FLNB: variants seen among roughly 807,000 people sequenced by gnomAD.
The protein encoded by FLNB is filamin B, also known as filamin-B.
FLNB carries 111 observed loss-of-function variants against 250.6 expected under a neutral mutation model. That is an observed-to-expected ratio of 0.44 (90% CI 0.38 to 0.52). The LOEUF is 0.52. Among genes scored for constraint, FLNB ranks in the 20% least tolerant of loss-of-function variants. The probability of loss-of-function intolerance (pLI) is 0.00; values close to 1 mark genes in which losing one functional copy is unlikely to be tolerated. For synonymous variants in FLNB, 1,302 were observed against 1,372.1 expected (o/e 0.95, Z 1.13); for missense variants, 2,869 against 3,447.8 (o/e 0.83, Z 4.20).
intron 1 of FLNB, among the ~76,000 whole-genome samples, chr3:58,047,803 A>G (rs1011838975): frequency 4.6e-5 from 7 of 152,144 alleles, no homozygotes; most frequent in African/African-American, 1.7e-4. Context: ...ACCTCAAGTG[A>G]TCCTCCTGCC....
chr3:58,125,386 G>A (rs2097296042), intron 22 of FLNB, among the ~76,000 whole-genome samples, 195 bp from the exon 23 acceptor site: 1 of 152,148 alleles, frequency 6.6e-6, no homozygotes, highest in African/African-American at 2.4e-5. Flanking sequence ...ACCCACCTCG[G>A]CCTCCCAAAG....
chr3:58,103,581 C>T (rs1352168865), intron 9 of FLNB, among the ~76,000 whole-genome samples: 1 of 152,190 alleles, frequency 6.6e-6, no homozygotes, highest in Admixed American at 6.5e-5. Flanking sequence ...AGGTTTACTT[C>T]TTCCCCAGTT....
intron 4 of FLNB, among the ~76,000 whole-genome samples, chr3:58,085,072 C>G (rs779703716): frequency 4.6e-5 from 7 of 152,146 alleles, no homozygotes; most frequent in African/African-American, 1.7e-4. Context: ...CTTATACATT[C>G]GTCTGCTGAT....
At chr3:58,110,591 C>T (rs1576736173) in intron 16 of FLNB, among the ~76,000 whole-genome samples, 1 of 152,148 alleles carries the variant, frequency 6.6e-6, no homozygotes. Context: ...GCTGGGATTA[C>T]AGGCCACCAC....
chr3:58,100,373 A>AAAAAAATACATATATATATATAT, intron 8 of FLNB, among the ~76,000 whole-genome samples: 5 of 104,384 alleles, frequency 4.8e-5, no homozygotes, highest in African/African-American at 2.3e-4. Flanking sequence ...GTAAAAAAAA[A>AAAAAAATACATATATATATATAT]ATATATATAT....
chr3:58,162,712 C>A, intron 42 of FLNB: 1 of 230,490 alleles, frequency 4.3e-6, no homozygotes, highest in East Asian at 1.1e-4. Context: ...GCTGAGTAAG[C>A]CGCTGCGGAG....
intron 1 of FLNB, among the ~76,000 whole-genome samples, chr3:58,073,053 G>A (rs536964857): frequency 3.3e-5 from 5 of 152,102 alleles, no homozygotes; most frequent in African/African-American, 9.7e-5. Context: ...GCCTGTGGCC[G>A]GATGAGACTT....
rs933399504 is a variant in FLNB at position 58,142,926 on chromosome 3, G to A, written c.5284+174G>A. 2.0e-5 allele frequency among the ~76,000 whole-genome samples: 3 copies of A among 152,228 alleles called. No individual in the cohort carries two copies. The highest frequency in any genetic ancestry group is 6.5e-5 in the Admixed American group (1 of 15,286). On this transcript the variant is annotated intron_variant, in intron 31 of 45. Transcript: ENST00000295956. The surrounding 1 kb of genome is among the most constrained non-coding windows in gnomAD (Gnocchi z 4.3). ...CTCCTGAAACTACAGAATATGCCAC[G>A]TGTGTGTTTCTCTGAAGAAGTGGCT...
At chr3:58,103,816 G>A (rs1181167278) in intron 9 of FLNB, 143 bp from the exon 10 acceptor site, 2 of 888,724 alleles carry the variant, frequency 2.3e-6, no homozygotes, top group African/African-American at 1.6e-5. Flanking sequence ...GAGGGGAGAG[G>A]TCCCATACTC....
Position 58,125,704 on chromosome 3 carries a change from C to G in FLNB, c.4022C>G (p.Ala1341Gly), listed in dbSNP as rs139269734. 934 of 1,614,124 alleles carry G rather than the reference C, an allele frequency of 5.8e-4. 2 individuals are homozygous for G. Among genetic ancestry groups the G allele is most frequent in the Non-Finnish European group, 5.5e-4 (644 of 1,180,018 alleles). Residue 1341 changes from alanine (A) to glycine (G), a missense_variant, in exon 23 of 46, where the codon GCC becomes GGC. Coordinates refer to ENST00000295956, the MANE Select transcript of FLNB (RefSeq NM_001457.4). Reference protein sequence around the residue: ...VQAQGPGLKEAFTNKPNVFTV... With the variant: ...VQAQGPGLKEGFTNKPNVFTV... Reference sequence around the variant, plus strand: ...GCCCAAGGACCTGGATTGAAAGAGGCCTTTACCAACAAGCCCAATGTCTTC... The same window carrying G: ...GCCCAAGGACCTGGATTGAAAGAGGGCTTTACCAACAAGCCCAATGTCTTC...
At chr3:58,099,492 T>G (rs1171643733) in intron 8 of FLNB, among the ~76,000 whole-genome samples, 1 of 152,232 alleles carries the variant, frequency 6.6e-6, no homozygotes, top group Admixed American at 6.5e-5. Flanking sequence ...GGGTACGCAT[T>G]TTTCTCAAAT....
At chr3:58,130,934 A>T in intron 25 of FLNB, 26 bp downstream of exon 25, 1 of 1,601,994 alleles carries the variant, frequency 6.2e-7, no homozygotes, top group East Asian at 2.2e-5. Flanking sequence ...GCCTTCCTGC[A>T]GACATTCATC....
At position 58,084,191 on chromosome 3, in the gene FLNB, C is replaced by CAAAAAAAAAA. The variant is rs771340069; in HGVS notation, c.787+2424_787+2433dup. The stretch of plus-strand genomic sequence containing the variant: ...TGGGTGACAGAACGAGACTCTGTCT[C>CAAAAAAAAAA]AAAAAAAAAAAAAAAAAAGTGCTTT... On this transcript the variant is annotated intron_variant, in intron 4 of 45. Transcript: ENST00000295956. Among the ~76,000 whole-genome samples the CAAAAAAAAAA allele has an allele frequency of 3.3e-4, 21 of 64,558 alleles. No individual in the cohort carries two copies. The Admixed American group carries it at 3.5e-3, about 11-fold the overall frequency. The allele number at this position is 64,558 out of a possible 152,430, so 42.4% of individuals were successfully genotyped here.
intron 41 of FLNB, 58 bp downstream of exon 41, chr3:58,156,133 A>G: frequency 7.6e-7 from 1 of 1,316,312 alleles, no homozygotes; most frequent in Non-Finnish European, 1.1e-6. Flanking sequence ...AGACCCCTGG[A>G]CTCCTGAGGC....
At chr3:58,067,015 T>C (rs1199457181) in intron 1 of FLNB, among the ~76,000 whole-genome samples, 1 of 152,216 alleles carries the variant, frequency 6.6e-6, no homozygotes, top group Admixed American at 6.5e-5. Context: ...GAATGTGTTA[T>C]GGGCCTATAG....
rs751704727 is a variant in FLNB, at chr3:58,148,749, G to A, written c.5988G>A (p.Gln1996=). 1 of 1,614,086 alleles carries A rather than the reference G, an allele frequency of 6.2e-7. No individual in the cohort carries two copies. Among genetic ancestry groups the A allele is most frequent in the Non-Finnish European group, 8.5e-7 (1 of 1,180,012 alleles). The change falls in exon 36 of 46, where the codon CAG becomes CAA. Residue 1996 remains glutamine (Q), a synonymous_variant. Transcript: ENST00000295956. ...GCCCCGTGTCTATCATGGTGGTCCA[G>A]TCGGAGATTGGTGACGCCCGCCGAG... is the stretch of plus-strand genomic sequence containing the variant. ...ANSPVSIMVV[Q]SEIGDARRAK...
At chr3:58,151,477 T>A (rs2097344916) in intron 38 of FLNB, 1 of 149,282 alleles carries the variant, frequency 6.7e-6, no homozygotes, top group African/African-American at 2.5e-5. Context: ...GGGGAGGAAG[T>A]GTCACCTCCC....
Position 58,159,534 on chromosome 3 carries a change from C to T in FLNB, c.6889-20C>T. ...AGGAACGCCGAGGGCCATAACCTGT[C>T]TGATGTATTAAATTCTCAGGAATCG... On this transcript the variant is annotated intron_variant, in intron 41 of 45. Coordinates refer to ENST00000295956, the MANE Select transcript of FLNB (RefSeq NM_001457.4). 1 of 1,613,934 alleles carries T rather than the reference C, an allele frequency of 6.2e-7. No homozygotes were observed. Among genetic ancestry groups the T allele is most frequent in the Non-Finnish European group, 8.5e-7 (1 of 1,179,900 alleles).
intron 1 of FLNB, among the ~76,000 whole-genome samples, chr3:58,060,352 CTTT>C (rs138957329): frequency 2.1e-4 from 29 of 136,090 alleles, no homozygotes; most frequent in South Asian, 2.1e-3. Flanking sequence ...CCCTGTCTCT[CTTT>C]TTTTTTTTTT....
Sources: gnomAD v4.1 joint callset for allele counts (sites outside exome capture counted in the v4.1 genomes callset) on GRCh38, gnomAD v4.1.1 for gene constraint, Gnocchi (gnomAD v3.1) non-coding constraint, MANE v1.5 for transcripts, NCBI Gene and HGNC (gene_info 2026-07-23, HGNC 2026-07-21) for gene names.